The following RASGEF1A variants were observed in gnomAD, a reference collection of about 807,000 sequenced individuals.
The protein encoded by RASGEF1A is RasGEF domain family member 1A.
RASGEF1A carries 18 observed loss-of-function variants against 56.4 expected under a neutral mutation model. That is an observed-to-expected ratio of 0.32 (90% CI 0.22 to 0.47). The LOEUF (loss-of-function observed/expected upper bound fraction) is 0.47, where lower values mean the gene tolerates loss of function less well. RASGEF1A is among the 20% of genes least tolerant of loss of function. RASGEF1A has a pLI of 1.00. For synonymous variants in RASGEF1A, 245 were observed against 242.6 expected (o/e 1.01, Z -0.09); for missense variants, 422 against 627.1 (o/e 0.67, Z 3.49).
intron 1 of RASGEF1A, among the ~76,000 whole-genome samples, chr10:43,221,291 G>A (rs4648313): frequency 0.17 from 25,139 of 152,152 alleles, 2,679 homozygotes; most frequent in East Asian, 0.51. Flanking sequence ...AATAAACCAT[G>A]AATTTGTAAG....
At position 43,196,206 on chromosome 10, in the gene RASGEF1A, T is replaced by C. The variant is rs769205848; in HGVS notation, c.*38A>G. The stretch of plus-strand genomic sequence containing the variant: ...TCAGTCAAAATTTAAACCCAGTTAG[T>C]GCACGTGCTTCCTCTGGCGTCGCGG... On this transcript the variant is annotated 3_prime_UTR_variant, in exon 13 of 13. Transcript: ENST00000395810. This position sits in a 1 kb window ranked among gnomAD's most constrained non-coding sequence, Gnocchi z 4.6. The C allele has an allele frequency of 4.4e-6, 7 of 1,608,700 alleles. No homozygotes were observed. Among genetic ancestry groups the C allele is most frequent in the East Asian group, 4.5e-5 (2 of 44,766 alleles).
At chr10:43,219,070 A>T (rs1038266731) in intron 1 of RASGEF1A, among the ~76,000 whole-genome samples, 1 of 152,156 alleles carries the variant, frequency 6.6e-6, no homozygotes, top group African/African-American at 2.4e-5. Context: ...TTGAGACTCA[A>T]GAGGCCCAAG....
At chr10:43,203,217 G>A in intron 3 of RASGEF1A, 81 bp downstream of exon 3, 2 of 911,986 alleles carry the variant, frequency 2.2e-6, no homozygotes, top group Non-Finnish European at 2.8e-6. Flanking sequence ...CGTGAACCCC[G>A]CCCCATGCCT....
At chr10:43,214,218 G>A (rs1167585361) in intron 1 of RASGEF1A, among the ~76,000 whole-genome samples, 1 of 152,204 alleles carries the variant, frequency 6.6e-6, no homozygotes, top group Non-Finnish European at 1.5e-5. Context: ...CCTCACTGCA[G>A]CCAGAGCCTG....
intron 1 of RASGEF1A, chr10:43,206,554 C>T (rs1839999084): frequency 9.9e-7 from 1 of 1,010,070 alleles, no homozygotes; most frequent in African/African-American, 1.7e-5. Context: ...GTGCCAAGGT[C>T]CTGACCCAGA....
intron 1 of RASGEF1A, among the ~76,000 whole-genome samples, chr10:43,244,983 G>A (rs1479675482): frequency 6.6e-6 from 1 of 151,474 alleles, no homozygotes; most frequent in Non-Finnish European, 1.5e-5. Flanking sequence ...ATGAAATAGA[G>A]AGTAAAAAAA....
chr10:43,199,799 C>T (rs1281511895), intron 6 of RASGEF1A, 31 bp from the exon 7 acceptor site: 2 of 1,580,318 alleles, frequency 1.3e-6, no homozygotes, highest in African/African-American at 1.3e-5. Context: ...CATAGGGGGC[C>T]TGGAGGACCA....
At chr10:43,199,883 A>G in intron 6 of RASGEF1A, 115 bp from the exon 7 acceptor site, 2 of 901,330 alleles carry the variant, frequency 2.2e-6, no homozygotes, top group Admixed American at 2.0e-5. Flanking sequence ...AGCAGCCTCA[A>G]TCATGCCTGC....
At chr10:43,264,077 G>A (rs530725006) in intron 1 of RASGEF1A, among the ~76,000 whole-genome samples, 3 of 152,052 alleles carry the variant, frequency 2.0e-5, no homozygotes, top group South Asian at 4.1e-4. Context: ...CCAGGACCCC[G>A]AGGGGCTTTC....
At position 43,199,007 on chromosome 10, in the gene RASGEF1A, T is replaced by C. The variant is rs1839846990; in HGVS notation, c.958A>G (p.Met320Val). 2.7e-6 allele frequency: 4 copies of C among 1,479,326 alleles called. No individual in the cohort carries two copies. Among genetic ancestry groups the C allele is most frequent in the South Asian group, 1.1e-5 (1 of 88,760 alleles). 91.6% of individuals were successfully genotyped at this position (1,479,326 alleles called of 1,614,324 possible). The change falls in exon 9 of 13, where the codon ATG (methionine) becomes GTG (valine). Residue 320 changes from methionine to valine, a missense_variant. By Grantham distance (21) the Met-to-Val change is conservative. Coordinates refer to ENST00000395810, the MANE Select transcript of RASGEF1A (RefSeq NM_145313.4). ...AGCCTTGCCACAGGACTGAGGTTCATGCCAGCTGCAGAGGACAGCAGGTAG... is the reference window on the plus strand; with the variant it reads ...AGCCTTGCCACAGGACTGAGGTTCACGCCAGCTGCAGAGGACAGCAGGTAG... ...FNSMMAIISG[M>V]NLSPVARLKK... is the part of the protein sequence containing the mutation.
chr10:43,198,031 G>A lies in RASGEF1A; in HGVS notation c.1197C>T (p.His399=). Residue 399 remains histidine (H), a synonymous_variant, in exon 10 of 13, where the codon CAC becomes CAT. Coordinates refer to ENST00000395810, the MANE Select transcript of RASGEF1A (RefSeq NM_145313.4). ...IYFLHKIHTN[H]LPNGHINFKK... ...TAAAGTTAATGTGCCCGTTGGGCAG[G>A]TGGTTGGTATGGATTTTGTGCAGGA... 6.2e-7 allele frequency: 1 copy of A among 1,613,402 alleles called. No homozygotes were observed. The highest frequency in any genetic ancestry group is 8.5e-7 in the Non-Finnish European group (1 of 1,179,370).
Position 43,203,901 on chromosome 10 carries a change from T to TCATCAGCAGGGGCGGGGCCC in RASGEF1A, c.199-501_199-482dup, listed in dbSNP as rs774027250. On this transcript the variant is annotated intron_variant, in intron 2 of 12. Coordinates refer to ENST00000395810, the MANE Select transcript of RASGEF1A (RefSeq NM_145313.4). ...CAGGGCTGATCCATGGGGCGGGGCC[T>TCATCAGCAGGGGCGGGGCCC]CATCAGCAGGGGCGGGGCCCCATCA... 7.2e-3 allele frequency: 3,309 copies of TCATCAGCAGGGGCGGGGCCC among 461,072 alleles called. 160 individuals are homozygous for TCATCAGCAGGGGCGGGGCCC. In the East Asian group the frequency reaches 0.16, roughly 22 times the overall value. 28.6% of individuals were successfully genotyped at this position (461,072 alleles called of 1,614,324 possible). A position where few individuals can be genotyped will look rare whatever the true frequency, so the allele number is the denominator to read the frequency against.
intron 1 of RASGEF1A, among the ~76,000 whole-genome samples, chr10:43,211,235 G>A (rs983224122): frequency 6.6e-6 from 1 of 152,212 alleles, no homozygotes; most frequent in Non-Finnish European, 1.5e-5. Flanking sequence ...TGGTGAGAGG[G>A]GTGCCCTCTT....
At chr10:43,214,240 G>A (rs1335766084) in intron 1 of RASGEF1A, among the ~76,000 whole-genome samples, 5 of 152,276 alleles carry the variant, frequency 3.3e-5, no homozygotes, top group Admixed American at 2.0e-4. Flanking sequence ...TGTGCGTGTC[G>A]TCTTCCCGTG....
intron 1 of RASGEF1A, among the ~76,000 whole-genome samples, chr10:43,227,610 G>C (rs1047897413): frequency 1.1e-4 from 16 of 152,178 alleles, no homozygotes; most frequent in Admixed American, 7.9e-4. Flanking sequence ...GTGCAGGTGT[G>C]GGTAGGGTGG....
intron 1 of RASGEF1A, among the ~76,000 whole-genome samples, chr10:43,265,761 G>A (rs1434009842): frequency 1.3e-5 from 2 of 152,344 alleles, no homozygotes; most frequent in South Asian, 2.1e-4. Context: ...CCCTAGAGCC[G>A]CTTAGAGTCC....
At chr10:43,222,012 C>T (rs865980953) in intron 1 of RASGEF1A, among the ~76,000 whole-genome samples, 7 of 152,202 alleles carry the variant, frequency 4.6e-5, no homozygotes, top group Admixed American at 3.9e-4. Flanking sequence ...TAGGCGATTT[C>T]GTCGTTGTGC....
intron 1 of RASGEF1A, among the ~76,000 whole-genome samples, chr10:43,258,337 G>T (rs1836463387): frequency 6.6e-6 from 1 of 152,218 alleles, no homozygotes; most frequent in Non-Finnish European, 1.5e-5. Flanking sequence ...AGGCTGAGGT[G>T]AGGGGGCTGT....
intron 1 of RASGEF1A, among the ~76,000 whole-genome samples, chr10:43,264,835 G>T (rs1836596373): frequency 1.3e-5 from 2 of 152,166 alleles, no homozygotes; most frequent in African/African-American, 4.8e-5. Flanking sequence ...ACAGTGGGGG[G>T]GCCAAACCCC....
Sources: allele counts gnomAD v4.1 joint callset (sites outside exome capture counted in the v4.1 genomes callset), GRCh38; gene constraint gnomAD v4.1.1; non-coding constraint Gnocchi (gnomAD v3.1); transcripts MANE v1.5; gene names NCBI Gene and HGNC (gene_info 2026-07-23, HGNC 2026-07-21).